The following CDH13 variants were observed in gnomAD, a reference collection of about 807,000 sequenced individuals.
CDH13 encodes cadherin-13.
Under a neutral mutation model 63.8 loss-of-function variants are expected in CDH13, and 24 were observed. The ratio of observed to expected loss-of-function variants is 0.38; its 90% CI spans 0.27 to 0.53. The LOEUF is 0.53. Ranked by LOEUF, CDH13 falls within the 20% of genes least tolerant of loss-of-function variation. The probability of loss-of-function intolerance (pLI) is 0.85; values close to 1 mark genes in which losing one functional copy is unlikely to be tolerated. For missense variants in CDH13, 1,049 were observed against 903.1 expected, an observed-to-expected ratio of 1.16 and a Z score of -2.07; for synonymous variants, 503 against 355.3, an observed-to-expected ratio of 1.42 and a Z score of -4.67.
chr16:82,654,312 C>G lies in CDH13; in HGVS notation c.45+27175C>G, dbSNP rs537054835. ...CTTATTCAAGGTCGGTTTCCCAACT[C>G]TCATAGCATCAGCTTTAGGGCATCC... On this transcript the variant is annotated intron_variant, in intron 1 of 13. Coordinates refer to ENST00000567109, the MANE Select transcript of CDH13 (RefSeq NM_001257.5). 1.3e-4 allele frequency among the ~76,000 whole-genome samples: 20 copies of G among 152,310 alleles called. No individual in the cohort carries two copies. In the South Asian group the frequency reaches 3.9e-3, roughly 30 times the overall value.
intron 1 of CDH13, among the ~76,000 whole-genome samples, chr16:82,745,851 T>G (rs2034137457): frequency 6.6e-6 from 1 of 152,130 alleles, no homozygotes; most frequent in Non-Finnish European, 1.5e-5. Flanking sequence ...AACACCAAAT[T>G]TGGTCCTCTG....
chr16:82,719,928 T>C (rs1235886636), intron 1 of CDH13, among the ~76,000 whole-genome samples: 1 of 151,866 alleles, frequency 6.6e-6, no homozygotes. Context: ...AAACTGTGAC[T>C]TTCAGGGAAA....
chr16:83,797,738 A>T lies in CDH13; in HGVS notation c.*2708A>T, dbSNP rs1240265473. On this transcript the variant is annotated 3_prime_UTR_variant, in exon 14 of 14. Transcript: ENST00000567109. ...GTAAGGACCAGAAATTGCTTTTCCC[A>T]ATTACTGAGCACAGGTCTGAGGGTT... 1 of 152,218 alleles carries T rather than the reference A, an allele frequency of 6.6e-6. No homozygotes were observed. The highest frequency in any genetic ancestry group is 1.5e-5 in the Non-Finnish European group (1 of 68,042). 9.4% of individuals were successfully genotyped at this position (152,218 alleles called of 1,614,324 possible).
At chr16:83,166,379 G>A (rs76602064) in intron 4 of CDH13, among the ~76,000 whole-genome samples, 7,127 of 152,174 alleles carry the variant, frequency 0.047, 552 homozygotes, top group African/African-American at 0.16. Flanking sequence ...CAGACAGGAA[G>A]AGTAATTGGG....
intron 1 of CDH13, among the ~76,000 whole-genome samples, chr16:82,645,594 A>G (rs1024197721): frequency 7.9e-5 from 12 of 152,172 alleles, no homozygotes; most frequent in Admixed American, 7.2e-4. Flanking sequence ...CAAATACAGT[A>G]GTGCTGAGGT....
rs79601274 is a variant in CDH13 at position 83,511,898 on chromosome 16, C to G, written c.960+25243C>G. ...TTGAGGCCTGGGCATGTTATTTAAC[C>G]TCTCATACCCTCGAAAGGGGCTCAT... On this transcript the variant is annotated intron_variant, in intron 7 of 13. Transcript: ENST00000567109. Among the ~76,000 whole-genome samples the G allele has an allele frequency of 7.5e-3, 1,136 of 152,270 alleles. 22 individuals carry two copies. Among genetic ancestry groups the G allele is most frequent in the African/African-American group, 0.026 (1,075 of 41,534 alleles).
intron 4 of CDH13, among the ~76,000 whole-genome samples, chr16:83,141,813 A>G (rs1267404525): frequency 2.0e-5 from 3 of 152,210 alleles, no homozygotes; most frequent in Admixed American, 6.5e-5. Flanking sequence ...GATGGCTTCC[A>G]GCTTTATCCA....
At chr16:82,656,622 G>A (rs986887288) in intron 1 of CDH13, among the ~76,000 whole-genome samples, 4 of 152,028 alleles carry the variant, frequency 2.6e-5, no homozygotes, top group Non-Finnish European at 4.4e-5. Flanking sequence ...TTCACTCTTG[G>A]TGCTGTACGG....
intron 2 of CDH13, among the ~76,000 whole-genome samples, chr16:82,966,151 G>A (rs1220833341): frequency 6.6e-6 from 1 of 152,004 alleles, no homozygotes; most frequent in Non-Finnish European, 1.5e-5. Context: ...ATTTTTGTTT[G>A]TTTGTTTGTT....
At chr16:83,052,959 T>C (rs2030535852) in intron 3 of CDH13, among the ~76,000 whole-genome samples, 1 of 152,044 alleles carries the variant, frequency 6.6e-6, no homozygotes, top group South Asian at 2.1e-4. Flanking sequence ...CTTTCCACGA[T>C]AGAAGACCGT....
intron 5 of CDH13, among the ~76,000 whole-genome samples, chr16:83,290,331 A>G (rs1367774090): frequency 6.6e-6 from 1 of 152,180 alleles, no homozygotes; most frequent in African/African-American, 2.4e-5. Context: ...TTGAATTGTA[A>G]TAATCCCCTC....
At position 82,791,974 on chromosome 16, in the gene CDH13, G is replaced by T. The variant is rs145926949; in HGVS notation, c.46-66388G>T. 2.8e-3 allele frequency among the ~76,000 whole-genome samples: 428 copies of T among 152,280 alleles called. 5 individuals are homozygous for T. The highest frequency in any genetic ancestry group is 1.0e-2 in the African/African-American group (414 of 41,558). On this transcript the variant is annotated intron_variant, in intron 1 of 13. Coordinates refer to ENST00000567109, the MANE Select transcript of CDH13 (RefSeq NM_001257.5). ...GAGCTCTAAGAACAAAGACCCGCCC[G>T]TATCATGGGGATTACAATTCAAGAT...
At chr16:83,042,730 T>G (rs1399954850) in intron 3 of CDH13, among the ~76,000 whole-genome samples, 1 of 152,194 alleles carries the variant, frequency 6.6e-6, no homozygotes, top group Non-Finnish European at 1.5e-5. Context: ...CGTGGTAAAT[T>G]AATTACCTTG....
chr16:83,051,154 G>A (rs1567782837), intron 3 of CDH13, among the ~76,000 whole-genome samples: 1 of 152,136 alleles, frequency 6.6e-6, no homozygotes, highest in African/African-American at 2.4e-5. Context: ...CCTCTTCAAA[G>A]GCTGTCAGTC....
At chr16:83,715,853 A>G (rs1260750809) in intron 10 of CDH13, among the ~76,000 whole-genome samples, 1 of 152,144 alleles carries the variant, frequency 6.6e-6, no homozygotes, top group Admixed American at 6.5e-5. Context: ...GGGTGTTTTT[A>G]CCAAAGTGAA....
chr16:82,986,019 A>G (rs1910891689), intron 2 of CDH13, among the ~76,000 whole-genome samples: 1 of 152,216 alleles, frequency 6.6e-6, no homozygotes, highest in Admixed American at 6.5e-5. Flanking sequence ...CTACAGAACC[A>G]TGAGCCAATT....
chr16:83,053,401 A>G (rs1226149767), intron 3 of CDH13, among the ~76,000 whole-genome samples: 2 of 152,112 alleles, frequency 1.3e-5, no homozygotes, highest in African/African-American at 4.8e-5. Context: ...CTGGGGTATC[A>G]GAAGACACAC....
intron 5 of CDH13, among the ~76,000 whole-genome samples, chr16:83,241,495 C>T (rs142903443): frequency 7.2e-5 from 11 of 152,264 alleles, no homozygotes; most frequent in Admixed American, 3.3e-4. Context: ...AATACTTACT[C>T]TTTCTGTTTA....
At chr16:83,260,095 A>AAAACACAC (rs1224528199) in intron 5 of CDH13, among the ~76,000 whole-genome samples, 17 of 58,812 alleles carry the variant, frequency 2.9e-4, no homozygotes, top group Admixed American at 9.6e-4. Flanking sequence ...ATGTACCCCC[A>AAAACACAC]ATACACACAC....
Sources: gnomAD v4.1 joint callset for allele counts (sites outside exome capture counted in the v4.1 genomes callset) on GRCh38, gnomAD v4.1.1 for gene constraint, MANE v1.5 for transcripts, NCBI Gene and HGNC (gene_info 2026-07-23, HGNC 2026-07-21) for gene names.